Variants in VAV2 observed in about 807,000 individuals in gnomAD.
VAV2 encodes the protein vav guanine nucleotide exchange factor 2.
VAV2 carries 67 observed loss-of-function variants against 132.5 expected under a neutral mutation model. That is an observed-to-expected ratio of 0.51 (90% confidence interval 0.42 to 0.62). The LOEUF (loss-of-function observed/expected upper bound fraction) is 0.62, where lower values mean the gene tolerates loss of function less well. VAV2 is among the 20% of genes least tolerant of loss of function. VAV2 has a pLI of 0.00. For missense variants in VAV2, 938 were observed against 1,153.6 expected (o/e 0.81, Z 2.71); for synonymous variants, 492 against 443.5 (o/e 1.11, Z -1.37).
At chr9:133,942,902 C>T (rs867287048) in intron 1 of VAV2, among the ~76,000 whole-genome samples, 3 of 152,226 alleles carry the variant, frequency 2.0e-5, no homozygotes, top group Non-Finnish European at 4.4e-5. Flanking sequence ...ACGGGGATGG[C>T]AGAGACCGGG....
intron 1 of VAV2, among the ~76,000 whole-genome samples, chr9:133,971,951 C>G (rs1224193631): frequency 2.0e-5 from 3 of 152,266 alleles, no homozygotes; most frequent in African/African-American, 7.2e-5. Context: ...AAAACAACCT[C>G]AAGGAAGTGG....
At chr9:133,960,252 C>T (rs1216417771) in intron 1 of VAV2, among the ~76,000 whole-genome samples, 1 of 152,182 alleles carries the variant, frequency 6.6e-6, no homozygotes, top group African/African-American at 2.4e-5. Flanking sequence ...GAGGTCAGGG[C>T]GCCCTCCGGG....
chr9:133,842,935 T>C (rs1836783605), intron 3 of VAV2, among the ~76,000 whole-genome samples: 1 of 152,226 alleles, frequency 6.6e-6, no homozygotes, highest in Non-Finnish European at 1.5e-5. Context: ...CGTTTAATTA[T>C]TGAGGGAGTC....
At chr9:133,874,609 A>AACAGC (rs1322742798) in intron 2 of VAV2, among the ~76,000 whole-genome samples, 2 of 152,126 alleles carry the variant, frequency 1.3e-5, no homozygotes, top group Non-Finnish European at 1.5e-5. Context: ...GGGTTATGGG[A>AACAGC]ACAGCACCTC....
chr9:133,793,282 A>G (rs1834570898), intron 12 of VAV2, among the ~76,000 whole-genome samples: 1 of 151,768 alleles, frequency 6.6e-6, no homozygotes. Flanking sequence ...CCCCGAGAGC[A>G]GCGGGTGGAA....
chr9:133,904,858 G>A (rs909462609), intron 2 of VAV2, among the ~76,000 whole-genome samples: 11 of 152,238 alleles, frequency 7.2e-5, no homozygotes, highest in African/African-American at 2.2e-4. Flanking sequence ...ATACTCTTTC[G>A]CCTGAGTAAA....
chr9:133,890,807 T>C (rs1203904368), intron 2 of VAV2, among the ~76,000 whole-genome samples: 1 of 152,136 alleles, frequency 6.6e-6, no homozygotes, highest in African/African-American at 2.4e-5. Flanking sequence ...AGCCGCACGC[T>C]GGTGACGGCA....
intron 1 of VAV2, among the ~76,000 whole-genome samples, chr9:133,940,884 C>T (rs1425236895): frequency 6.6e-6 from 1 of 151,628 alleles, no homozygotes; most frequent in Non-Finnish European, 1.5e-5. Flanking sequence ...CTTGCATTTC[C>T]CTAATATATA....
chr9:133,932,358 G>A (rs561442805), intron 2 of VAV2, among the ~76,000 whole-genome samples: 2 of 152,162 alleles, frequency 1.3e-5, no homozygotes, highest in African/African-American at 2.4e-5. Context: ...GCCATAACTC[G>A]GCCCCAGCAC....
intron 4 of VAV2, among the ~76,000 whole-genome samples, chr9:133,829,810 G>A (rs139417909): frequency 6.6e-6 from 1 of 152,234 alleles, no homozygotes; most frequent in East Asian, 1.9e-4. Context: ...ACATTCTTAT[G>A]ATTAATTTCG....
chr9:133,902,216 G>T (rs186012024), intron 2 of VAV2, among the ~76,000 whole-genome samples: 48 of 152,288 alleles, frequency 3.2e-4, no homozygotes, highest in African/African-American at 1.2e-3. Context: ...ATAGGAACGG[G>T]CATCTGCGTC....
Position 133,961,873 on chromosome 9 carries a change from C to T in VAV2, c.205-22654G>A, listed in dbSNP as rs1320688687. On this transcript the variant is annotated intron_variant, in intron 1 of 29. Transcript: ENST00000371850. This position sits in a 1 kb window ranked among gnomAD's most constrained non-coding sequence, Gnocchi z 4.1. ...AGGCTGGGAACAGGGAGACCCTCAC[C>T]GTGAGCCTCATCCACCCAGAGGGTG... 6.6e-6 allele frequency among the ~76,000 whole-genome samples: 1 copy of T among 152,134 alleles called. No individual in the cohort carries two copies. Among genetic ancestry groups the T allele is most frequent in the Non-Finnish European group, 1.5e-5 (1 of 68,016 alleles).
chr9:133,775,947 G>A (rs1341906678), intron 24 of VAV2, 81 bp downstream of exon 24: 3 of 1,500,128 alleles, frequency 2.0e-6, no homozygotes, highest in Admixed American at 3.9e-5. Flanking sequence ...CCGCTCACAG[G>A]CACCACCCAG....
At chr9:133,789,216 C>A (rs773072534) in intron 14 of VAV2, 42 bp downstream of exon 14, 45 of 1,608,134 alleles carry the variant, frequency 2.8e-5, no homozygotes, top group Non-Finnish European at 3.7e-5. Flanking sequence ...GAGCCAGACC[C>A]TGGCGGGACG....
chr9:133,803,517 GA>G (rs1309402395), intron 9 of VAV2, among the ~76,000 whole-genome samples: 1 of 152,230 alleles, frequency 6.6e-6, no homozygotes, highest in Non-Finnish European at 1.5e-5. Flanking sequence ...CACAGCTGCA[GA>G]ATGCAAGCTC....
intron 2 of VAV2, among the ~76,000 whole-genome samples, chr9:133,891,192 G>A (rs1005489475): frequency 2.0e-4 from 30 of 148,658 alleles, no homozygotes; most frequent in African/African-American, 6.5e-4. Flanking sequence ...CGGCACTCAC[G>A]CCACCCTCAG....
intron 1 of VAV2, among the ~76,000 whole-genome samples, chr9:133,951,177 G>A (rs1306736470): frequency 6.6e-6 from 1 of 152,232 alleles, no homozygotes; most frequent in Non-Finnish European, 1.5e-5. Context: ...GGCAGGCACA[G>A]CCCTTGGCTA....
At chr9:133,898,298 G>C (rs947604731) in intron 2 of VAV2, among the ~76,000 whole-genome samples, 2 of 152,116 alleles carry the variant, frequency 1.3e-5, no homozygotes, top group Non-Finnish European at 2.9e-5. Flanking sequence ...AACAGAAAGA[G>C]ACTTTTTAGG....
At position 133,939,284 on chromosome 9, in the gene VAV2, C is replaced by A. The variant is rs1289046039; in HGVS notation, c.205-65G>T. On this transcript the variant is annotated intron_variant, in intron 1 of 29. Coordinates refer to ENST00000371850, the MANE Select transcript of VAV2 (RefSeq NM_001134398.2). ...TTAAAACTGTAAGCTCTGTAAAAAC[C>A]GTAACAGCAACAGCAGCAAGCTCTG... 2.8e-6 allele frequency: 4 copies of A among 1,408,522 alleles called. No individual in the cohort carries two copies. In the African/African-American group the frequency reaches 4.2e-5, roughly 15 times the overall value. 87.3% of individuals were successfully genotyped at this position (1,408,522 alleles called of 1,614,324 possible).
Sources: gnomAD v4.1 joint callset for allele counts (sites outside exome capture counted in the v4.1 genomes callset) on GRCh38, gnomAD v4.1.1 for gene constraint, Gnocchi (gnomAD v3.1) non-coding constraint, MANE v1.5 for transcripts, NCBI Gene and HGNC (gene_info 2026-07-23, HGNC 2026-07-21) for gene names.